The following PLEKHA1 variants were observed in gnomAD, a reference collection of about 807,000 sequenced individuals.
The protein encoded by PLEKHA1 is pleckstrin homology domain-containing family A member 1.
Under a neutral mutation model 52.0 loss-of-function variants are expected in PLEKHA1, and 34 were observed. The ratio of observed to expected loss-of-function variants is 0.65; its 90% CI spans 0.50 to 0.87. The LOEUF is 0.87. Ranked by LOEUF, PLEKHA1 falls within the 40% of genes least tolerant of loss-of-function variation. PLEKHA1 has a pLI of 0.00. For missense variants in PLEKHA1, 497 were observed against 504.2 expected (o/e 0.99, Z 0.14); for synonymous variants, 163 against 170.7 (o/e 0.95, Z 0.35).
chr10:122,409,392 A>G (rs2097073106), intron 5 of PLEKHA1, among the ~76,000 whole-genome samples: 1 of 152,226 alleles, frequency 6.6e-6, no homozygotes, highest in Non-Finnish European at 1.5e-5. Context: ...GAGTGAGGAA[A>G]ATCAAATTTT....
intron 8 of PLEKHA1, chr10:122,421,788 T>C (rs2097263333): frequency 6.6e-6 from 1 of 152,116 alleles, no homozygotes; most frequent in Non-Finnish European, 1.5e-5. Flanking sequence ...AAATTAAAAC[T>C]GCAATGAAAT....
intron 1 of PLEKHA1, chr10:122,387,189 C>A (rs1028554527): frequency 2.6e-5 from 4 of 151,850 alleles, no homozygotes; most frequent in African/African-American, 9.7e-5. Flanking sequence ...TTATTATTCC[C>A]TTTCTATTTT....
chr10:122,425,743 G>C (rs1213567688), intron 10 of PLEKHA1: 1 of 149,754 alleles, frequency 6.7e-6, no homozygotes, highest in Non-Finnish European at 1.5e-5. Flanking sequence ...AAATCAAAAA[G>C]GGATGATTTG....
intron 5 of PLEKHA1, 142 bp from the exon 6 acceptor site, chr10:122,412,778 A>T: frequency 1.3e-6 from 1 of 769,966 alleles, no homozygotes; most frequent in Non-Finnish European, 2.0e-6. Flanking sequence ...GTGATAACTT[A>T]AGGAGTACAT....
downstream of PLEKHA1, chr10:122,433,139 C>T (rs778409878): frequency 1.3e-5 from 2 of 152,190 alleles, no homozygotes; most frequent in Non-Finnish European, 2.9e-5. Flanking sequence ...GACTTTGAAC[C>T]AGTATGTCTG....
intron 10 of PLEKHA1, among the ~76,000 whole-genome samples, chr10:122,426,429 T>C (rs1179624480): frequency 6.6e-6 from 1 of 152,104 alleles, no homozygotes; most frequent in Non-Finnish European, 1.5e-5. Flanking sequence ...TGCACCCCGA[T>C]TGGGGCCTTA....
At chr10:122,408,023 A>G (rs762294059) in intron 5 of PLEKHA1, among the ~76,000 whole-genome samples, 1 of 152,240 alleles carries the variant, frequency 6.6e-6, no homozygotes, top group African/African-American at 2.4e-5. Flanking sequence ...TGATCTGTAC[A>G]TGAAGCAGAA....
intron 8 of PLEKHA1, chr10:122,423,343 T>C (rs182687797): frequency 6.7e-6 from 1 of 150,246 alleles, no homozygotes; most frequent in African/African-American, 2.5e-5. Context: ...AGAATTGCCT[T>C]GAACCCAGGA....
chr10:122,430,025 G>T lies in PLEKHA1; in HGVS notation c.*87G>T. 7.1e-7 allele frequency: 1 copy of T among 1,406,500 alleles called. No homozygotes were observed. The allele number at this position is 1,406,500 out of a possible 1,614,324, so 87.1% of individuals were successfully genotyped here. On this transcript the variant is annotated 3_prime_UTR_variant, in exon 12 of 12. Coordinates refer to ENST00000368990, the MANE Select transcript of PLEKHA1 (RefSeq NM_001001974.4). Reference sequence around the variant, plus strand: ...AGCCAAAGATGATAAAGGGGGAAATGGTTTTTAGTGCGTATATTATACTGC... The same window carrying T: ...AGCCAAAGATGATAAAGGGGGAAATTGTTTTTAGTGCGTATATTATACTGC...
At chr10:122,390,320 T>TA (rs2096758678) in intron 1 of PLEKHA1, among the ~76,000 whole-genome samples, 1 of 152,242 alleles carries the variant, frequency 6.6e-6, no homozygotes, top group African/African-American at 2.4e-5. Context: ...CTGTTTCACT[T>TA]ACCATTCTTG....
At chr10:122,433,959 A>G (rs762158061), downstream of PLEKHA1, 7 of 152,184 alleles carry the variant, frequency 4.6e-5, no homozygotes, top group Non-Finnish European at 7.4e-5. Context: ...TTTTTCTGAA[A>G]TATTATTTTC....
intron 1 of PLEKHA1, among the ~76,000 whole-genome samples, chr10:122,377,960 A>G (rs1484063296): frequency 6.6e-6 from 1 of 152,248 alleles, no homozygotes; most frequent in Non-Finnish European, 1.5e-5. Context: ...AATAAGTTTT[A>G]GAGCAAAATA....
rs2097305604 is a variant in PLEKHA1, at chr10:122,424,199, GA to G, written c.686del (p.Lys229ArgfsTer6). ...NTIGYFKSEL[E>X]KEPLRVIPLK... ...TTTTTTTTTTTTTTTTTTTTGCCAG[GA>G]AAAGGAACCTCTTCGTGTAATACCA... On this transcript the variant is annotated frameshift_variant and splice_region_variant, in exon 9 of 12. Transcript: ENST00000368990. LOFTEE classifies it high-confidence loss of function. 1.3e-6 allele frequency: 2 copies of G among 1,535,090 alleles called. No individual in the cohort carries two copies. Among genetic ancestry groups the G allele is most frequent in the Non-Finnish European group, 1.7e-6 (2 of 1,154,170 alleles).
At chr10:122,427,325 T>C (rs2097353612) in intron 11 of PLEKHA1, among the ~76,000 whole-genome samples, 1 of 152,214 alleles carries the variant, frequency 6.6e-6, no homozygotes, top group Non-Finnish European at 1.5e-5. Context: ...AGCTCTAGAT[T>C]TGGCATAATC....
intron 4 of PLEKHA1, among the ~76,000 whole-genome samples, chr10:122,401,512 G>A (rs2096929035): frequency 1.3e-5 from 2 of 151,844 alleles, no homozygotes; most frequent in Admixed American, 1.3e-4. Flanking sequence ...GGAAGAGAGA[G>A]GTAGCAGGGA....
chr10:122,381,050 TAGGTATTTAGA>T (rs1370624407), intron 1 of PLEKHA1, among the ~76,000 whole-genome samples: 1 of 152,190 alleles, frequency 6.6e-6, no homozygotes, highest in Non-Finnish European at 1.5e-5. Flanking sequence ...AACTAATATT[TAGGTATTTAGA>T]AAAGTGCTTT....
In PLEKHA1 at chr10:122,394,069, C is replaced by CTTTTTTTTT. The variant is rs796831792; in HGVS notation, c.141+746_141+754dup. Among the ~76,000 whole-genome samples the CTTTTTTTTT allele has an allele frequency of 1.4e-4, 14 of 97,242 alleles. 1 individual carries two copies. Among genetic ancestry groups the CTTTTTTTTT allele is most frequent in the Non-Finnish European group, 2.6e-4 (12 of 45,296 alleles). 63.8% of individuals were successfully genotyped at this position (97,242 alleles called of 152,430 possible). ...AGTTTTAAACTTTCAACTTTCTCTA[C>CTTTTTTTTT]TTTTTTTTTTTTTTTTTTTTTTTTT... On this transcript the variant is annotated intron_variant, in intron 2 of 11. Coordinates refer to ENST00000368990, the MANE Select transcript of PLEKHA1 (RefSeq NM_001001974.4).
At chr10:122,396,047 A>T (rs985146790) in intron 2 of PLEKHA1, among the ~76,000 whole-genome samples, 1 of 151,302 alleles carries the variant, frequency 6.6e-6, no homozygotes, top group African/African-American at 2.4e-5. Context: ...GATGGTAATC[A>T]TACTAGTCCA....
At chr10:122,442,096 A>G in the PLEKHA1 span, 1 of 152,184 alleles carries the variant, frequency 6.6e-6, no homozygotes, top group Non-Finnish European at 1.5e-5. Flanking sequence ...AAACACCCAT[A>G]GCTTCCCTGT....
Sources: gnomAD v4.1 joint callset for allele counts (sites outside exome capture counted in the v4.1 genomes callset) on GRCh38, gnomAD v4.1.1 for gene constraint, MANE v1.5 for transcripts, NCBI Gene and HGNC (gene_info 2026-07-23, HGNC 2026-07-21) for gene names.